CBFA2T2: variants seen among roughly 807,000 people sequenced by gnomAD.
CBFA2T2 encodes protein CBFA2T2.
CBFA2T2 carries 11 observed loss-of-function variants against 62.2 expected under a neutral mutation model. The observed-to-expected ratio is 0.18, with a 90% confidence interval of 0.11 to 0.29. CBFA2T2 has a LOEUF of 0.29. Ranked by LOEUF, CBFA2T2 falls within the 10% of genes least tolerant of loss-of-function variation. The probability of loss-of-function intolerance (pLI) is 1.00; values close to 1 mark genes in which losing one functional copy is unlikely to be tolerated. For missense variants in CBFA2T2, 592 were observed against 774.1 expected (o/e 0.76, Z 2.79); for synonymous variants, 295 against 287.5 (o/e 1.03, Z -0.27).
intron 1 of CBFA2T2, among the ~76,000 whole-genome samples, chr20:33,564,532 G>A (rs2013216855): frequency 6.6e-6 from 1 of 152,104 alleles, no homozygotes; most frequent in South Asian, 2.1e-4. Flanking sequence ...TGGGATTAAA[G>A]GAGTGAGCCA....
intron 1 of CBFA2T2, among the ~76,000 whole-genome samples, chr20:33,520,829 TATG>T (rs1325509677): frequency 1.3e-5 from 2 of 152,012 alleles, no homozygotes; most frequent in Admixed American, 6.6e-5. Flanking sequence ...ACTCGTGGAC[TATG>T]GCATAAAATC....
chr20:33,510,195 C>A (rs2146853725), intron 1 of CBFA2T2, among the ~76,000 whole-genome samples: 1 of 151,500 alleles, frequency 6.6e-6, no homozygotes, highest in African/African-American at 2.4e-5. Flanking sequence ...GTATATGTGC[C>A]ACTTTTTCTT....
chr20:33,620,550 A>G (rs771264148), intron 4 of CBFA2T2, among the ~76,000 whole-genome samples: 1 of 151,974 alleles, frequency 6.6e-6, no homozygotes, highest in Non-Finnish European at 1.5e-5. Flanking sequence ...TTTAAGAGTA[A>G]GCCGCAAGGC....
At chr20:33,588,592 G>T (rs2014479366) in intron 1 of CBFA2T2, among the ~76,000 whole-genome samples, 1 of 152,016 alleles carries the variant, frequency 6.6e-6, no homozygotes. Flanking sequence ...CTATAATTAA[G>T]AGCAGTACAC....
At chr20:33,490,350 G>A (rs753703633) in intron 1 of CBFA2T2, 49 bp downstream of exon 1, 101 of 1,261,750 alleles carry the variant, frequency 8.0e-5, no homozygotes, top group Non-Finnish European at 9.6e-5. Flanking sequence ...GTGAGGGCCT[G>A]CGGCTCCGCA....
chr20:33,543,530 G>A (rs556616214), intron 1 of CBFA2T2, among the ~76,000 whole-genome samples: 7 of 152,282 alleles, frequency 4.6e-5, no homozygotes, highest in African/African-American at 9.6e-5. Flanking sequence ...AGATGAACAC[G>A]TACTAGAGAA....
chr20:33,548,979 T>C (rs2012656605), intron 1 of CBFA2T2, among the ~76,000 whole-genome samples: 1 of 114,688 alleles, frequency 8.7e-6, no homozygotes, highest in South Asian at 2.3e-4. Context: ...CATCCGTCCA[T>C]CCATCCATCC....
chr20:33,634,508 C>CA (rs781017115), intron 8 of CBFA2T2, among the ~76,000 whole-genome samples: 2 of 151,540 alleles, frequency 1.3e-5, no homozygotes, highest in East Asian at 1.9e-4. Context: ...CCTGTCTCTA[C>CA]AAAAAATATG....
chr20:33,607,520 ATAC>A (rs2015383287), intron 2 of CBFA2T2, among the ~76,000 whole-genome samples: 1 of 152,230 alleles, frequency 6.6e-6, no homozygotes, highest in Non-Finnish European at 1.5e-5. Context: ...CCATAATGAA[ATAC>A]CACAGACTGG....
intron 1 of CBFA2T2, among the ~76,000 whole-genome samples, chr20:33,501,760 C>T (rs1244999457): frequency 6.7e-6 from 1 of 148,506 alleles, no homozygotes; most frequent in Non-Finnish European, 1.5e-5. Flanking sequence ...CTGCTGCAGC[C>T]TCCTGAGTAC....
chr20:33,502,564 C>G (rs1261144449), intron 1 of CBFA2T2, among the ~76,000 whole-genome samples: 1 of 151,546 alleles, frequency 6.6e-6, no homozygotes, highest in East Asian at 2.0e-4. Context: ...CCAACACACC[C>G]GGCTAATTTT....
intron 1 of CBFA2T2, among the ~76,000 whole-genome samples, chr20:33,553,947 C>T (rs192235320): frequency 6.6e-6 from 1 of 151,802 alleles, no homozygotes; most frequent in Non-Finnish European, 1.5e-5. Flanking sequence ...TAGGCATATG[C>T]TTTTGTTAAC....
intron 1 of CBFA2T2, among the ~76,000 whole-genome samples, chr20:33,491,296 A>G (rs1295464905): frequency 6.6e-6 from 1 of 152,234 alleles, no homozygotes; most frequent in East Asian, 1.9e-4. Flanking sequence ...AATAAACAAG[A>G]TAGACCGAAC....
intron 1 of CBFA2T2, among the ~76,000 whole-genome samples, chr20:33,569,191 C>T (rs187479079): frequency 1.6e-3 from 238 of 152,282 alleles, no homozygotes; most frequent in African/African-American, 5.6e-3. Context: ...CAAAAATTTT[C>T]ATCACTTGCT....
At chr20:33,547,159 A>G (rs181147702) in intron 1 of CBFA2T2, among the ~76,000 whole-genome samples, 138 of 152,176 alleles carry the variant, frequency 9.1e-4, no homozygotes, top group Admixed American at 3.1e-3. Flanking sequence ...GAGATTGTGC[A>G]GTTGCACTCT....
intron 2 of CBFA2T2, 31 bp downstream of exon 2, chr20:33,607,130 T>G: frequency 6.2e-7 from 1 of 1,601,106 alleles, no homozygotes. Flanking sequence ...ATGTTTGTAG[T>G]TCAGAGTGAC....
chr20:33,623,301 G>A lies in CBFA2T2; in HGVS notation c.692+5G>A, dbSNP rs747487263. 8 of 1,614,214 alleles carry A rather than the reference G, an allele frequency of 5.0e-6. No individual in the cohort carries two copies. Among genetic ancestry groups the A allele is most frequent in the East Asian group, 2.2e-5 (1 of 44,890 alleles). On this transcript the variant is annotated splice_donor_5th_base_variant and intron_variant, in intron 5 of 10. Coordinates refer to ENST00000342704, the MANE Select transcript of CBFA2T2 (RefSeq NM_001032999.3). The stretch of plus-strand genomic sequence containing the variant: ...GAAGAGGCCCAGTCCAGAGAGGTGA[G>A]CAGATGAGCTTTGCTGTCCTTGCCT...
intron 1 of CBFA2T2, among the ~76,000 whole-genome samples, chr20:33,576,934 G>A (rs561406010): frequency 5.3e-5 from 8 of 152,290 alleles, no homozygotes; most frequent in Admixed American, 1.3e-4. Context: ...ACTTTTCTCT[G>A]TTTATTTATT....
chr20:33,543,235 C>T (rs1014349835), intron 1 of CBFA2T2, among the ~76,000 whole-genome samples: 4 of 151,680 alleles, frequency 2.6e-5, no homozygotes, highest in Non-Finnish European at 5.9e-5. Context: ...CTGGTCTTAA[C>T]TCCTGACCTT....
Sources: allele counts gnomAD v4.1 joint callset (sites outside exome capture counted in the v4.1 genomes callset), GRCh38; gene constraint gnomAD v4.1.1; transcripts MANE v1.5; gene names NCBI Gene and HGNC (gene_info 2026-07-23, HGNC 2026-07-21).